The following CREB5 variants were observed in gnomAD, a reference collection of about 807,000 sequenced individuals.
CREB5 encodes the protein cyclic AMP-responsive element-binding protein 5.
In CREB5, 19 loss-of-function variants were observed where a neutral mutation model predicts 57.1. The ratio of observed to expected loss-of-function variants is 0.33; its 90% CI spans 0.23 to 0.49. The LOEUF (loss-of-function observed/expected upper bound fraction) is 0.49. Among genes scored for constraint, CREB5 ranks in the 20% least tolerant of loss-of-function variants. The pLI is 0.99. For missense variants in CREB5, 579 were observed against 671.6 expected (o/e 0.86, Z 1.52); for synonymous variants, 238 against 238.3 (o/e 1.00, Z 0.01).
chr7:28,389,081 C>T (rs1165953004), intron 1 of CREB5, among the ~76,000 whole-genome samples: 1 of 152,170 alleles, frequency 6.6e-6, no homozygotes, highest in African/African-American at 2.4e-5. Flanking sequence ...AGGATTCATA[C>T]AGGCATAGTT....
intron 1 of CREB5, among the ~76,000 whole-genome samples, chr7:28,439,790 T>C (rs1273060377): frequency 2.0e-5 from 3 of 152,226 alleles, no homozygotes; most frequent in African/African-American, 7.2e-5. Flanking sequence ...CAAAGTGCTT[T>C]CTAAGGCATC....
intron 5 of CREB5, among the ~76,000 whole-genome samples, chr7:28,661,183 T>C (rs1020941568): frequency 6.6e-6 from 1 of 152,166 alleles, no homozygotes; most frequent in Non-Finnish European, 1.5e-5. Context: ...CAAACCCTAA[T>C]TCAAATGTAA....
At chr7:28,497,729 TATA>T (rs1792113991) in intron 3 of CREB5, among the ~76,000 whole-genome samples, 3 of 152,342 alleles carry the variant, frequency 2.0e-5, no homozygotes, top group South Asian at 2.1e-4. Flanking sequence ...CATCCTGAAT[TATA>T]ATAGGCTATT....
chr7:28,682,163 C>T (rs1037468382), intron 5 of CREB5, among the ~76,000 whole-genome samples: 2 of 152,314 alleles, frequency 1.3e-5, no homozygotes, highest in East Asian at 1.9e-4. Context: ...AGTAGTTACA[C>T]GACAGGAGTC....
chr7:28,469,052 A>G (rs1790704662), intron 1 of CREB5, among the ~76,000 whole-genome samples: 1 of 152,066 alleles, frequency 6.6e-6, no homozygotes. Context: ...GCTGACAACA[A>G]TTATATCTGA....
At chr7:28,362,993 C>G (rs557047622) in intron 1 of CREB5, among the ~76,000 whole-genome samples, 2 of 152,208 alleles carry the variant, frequency 1.3e-5, no homozygotes, top group Admixed American at 6.5e-5. Flanking sequence ...TTTATAATAT[C>G]TAACACTAGG....
At chr7:28,525,288 G>A (rs578076616) in intron 4 of CREB5, among the ~76,000 whole-genome samples, 1 of 152,234 alleles carries the variant, frequency 6.6e-6, no homozygotes, top group South Asian at 2.1e-4. Context: ...AATAAATGTG[G>A]AAGAGCAGGT....
chr7:28,619,849 A>G (rs1414775864), intron 5 of CREB5, among the ~76,000 whole-genome samples: 1 of 152,206 alleles, frequency 6.6e-6, no homozygotes, highest in Non-Finnish European at 1.5e-5. Flanking sequence ...GATGTTGGTC[A>G]TGTGCCAAAG....
At chr7:28,529,317 G>A (rs1279244251) in intron 4 of CREB5, among the ~76,000 whole-genome samples, 1 of 150,598 alleles carries the variant, frequency 6.6e-6, no homozygotes, top group Non-Finnish European at 1.5e-5. Context: ...AGGTGCCAAG[G>A]TGGGAAGCAC....
At chr7:28,714,672 T>C (rs1335929264) in intron 5 of CREB5, among the ~76,000 whole-genome samples, 2 of 152,242 alleles carry the variant, frequency 1.3e-5, no homozygotes, top group Admixed American at 6.5e-5. Context: ...TCTGTCATCC[T>C]TGACATTTTA....
chr7:28,712,760 C>T (rs1172781952), intron 5 of CREB5, among the ~76,000 whole-genome samples: 1 of 151,766 alleles, frequency 6.6e-6, no homozygotes, highest in Non-Finnish European at 1.5e-5. Context: ...TCTCAAACTC[C>T]TGACCTCAAG....
chr7:28,622,137 A>G lies in CREB5; in HGVS notation c.464+51600A>G, dbSNP rs867856024. On this transcript the variant is annotated intron_variant, in intron 5 of 10. Transcript: ENST00000357727. ...GCCAGGTTTGAGATAGTGTGCACAC[A>G]ATGTGACTACTCAACAATTAACGTG... Among the ~76,000 whole-genome samples the G allele has an allele frequency of 5.9e-5, 9 of 152,266 alleles. No individual in the cohort carries two copies. In the South Asian group the frequency reaches 1.9e-3, roughly 32 times the overall value.
intron 1 of CREB5, among the ~76,000 whole-genome samples, chr7:28,375,572 A>C (rs988633666): frequency 8.6e-5 from 13 of 152,040 alleles, no homozygotes; most frequent in African/African-American, 3.1e-4. Context: ...ATTTTTCATG[A>C]TGTGATTATA....
At chr7:28,408,868 G>GA (rs1274602299), upstream of CREB5, among the ~76,000 whole-genome samples, 3 of 152,136 alleles carry the variant, frequency 2.0e-5, no homozygotes, top group Non-Finnish European at 4.4e-5. Flanking sequence ...AAAGGAGCTG[G>GA]ACATCCTCCG....
chr7:28,441,820 CTT>C (rs1303547196), intron 1 of CREB5, among the ~76,000 whole-genome samples: 2 of 152,000 alleles, frequency 1.3e-5, no homozygotes, highest in African/African-American at 4.8e-5. Flanking sequence ...TTTTTAAAAA[CTT>C]TTTTAAATTT....
At chr7:28,611,906 A>G (rs1797403538) in intron 5 of CREB5, among the ~76,000 whole-genome samples, 1 of 152,062 alleles carries the variant, frequency 6.6e-6, no homozygotes, top group Non-Finnish European at 1.5e-5. Context: ...TAACTTGACA[A>G]ACTTGACCTC....
At chr7:28,438,084 G>A (rs1395499729) in intron 1 of CREB5, among the ~76,000 whole-genome samples, 2 of 152,102 alleles carry the variant, frequency 1.3e-5, no homozygotes. Context: ...ACTGGGCAGA[G>A]CATGTGAGAG....
At chr7:28,716,261 C>T (rs1322360754) in intron 5 of CREB5, among the ~76,000 whole-genome samples, 1 of 152,104 alleles carries the variant, frequency 6.6e-6, no homozygotes, top group African/African-American at 2.4e-5. Flanking sequence ...TATTATTTTT[C>T]ATATGTCCCA....
intron 7 of CREB5, among the ~76,000 whole-genome samples, chr7:28,734,926 G>T (rs1397679150): frequency 6.6e-6 from 1 of 152,108 alleles, no homozygotes; most frequent in Non-Finnish European, 1.5e-5. Context: ...TAAGGTGAAG[G>T]TGATTTTTCT....
Sources: gnomAD v4.1 joint callset for allele counts (sites outside exome capture counted in the v4.1 genomes callset) on GRCh38, gnomAD v4.1.1 for gene constraint, MANE v1.5 for transcripts, NCBI Gene and HGNC (gene_info 2026-07-23, HGNC 2026-07-21) for gene names.